Variants in SBF2 observed in about 807,000 individuals in gnomAD.
SBF2 encodes the protein myotubularin-related protein 13.
SBF2 carries 112 observed loss-of-function variants against 225.2 expected under a neutral mutation model. The observed-to-expected ratio is 0.50, with a 90% CI of 0.43 to 0.58. The LOEUF (loss-of-function observed/expected upper bound fraction) is 0.58, where lower values mean the gene tolerates loss of function less well. Ranked by LOEUF, SBF2 falls within the 20% of genes least tolerant of loss-of-function variation. The probability of loss-of-function intolerance (pLI) is 0.00; values close to 1 mark genes in which losing one functional copy is unlikely to be tolerated. For synonymous variants in SBF2, 763 were observed against 773.3 expected (o/e 0.99, Z 0.22); for missense variants, 1,996 against 2,206.2 (o/e 0.90, Z 1.91).
chr11:10,006,239 T>C (rs1296034827), intron 6 of SBF2, among the ~76,000 whole-genome samples: 5 of 152,204 alleles, frequency 3.3e-5, no homozygotes, highest in Non-Finnish European at 2.9e-5. Context: ...CCCTCAGCTC[T>C]TGCTGAATTT....
At chr11:10,162,602 T>C (rs1446753339) in intron 2 of SBF2, among the ~76,000 whole-genome samples, 1 of 152,174 alleles carries the variant, frequency 6.6e-6, no homozygotes, top group Non-Finnish European at 1.5e-5. Context: ...AAATTTTTAA[T>C]AAAACAGTCA....
At chr11:9,952,950 A>C (rs1865944317) in intron 16 of SBF2, among the ~76,000 whole-genome samples, 1 of 152,240 alleles carries the variant, frequency 6.6e-6, no homozygotes, top group Admixed American at 6.5e-5. Context: ...AAACCAGTAC[A>C]ACCACTGTGG....
At chr11:9,995,907 G>C (rs760947289) in intron 9 of SBF2, among the ~76,000 whole-genome samples, 6 of 150,010 alleles carry the variant, frequency 4.0e-5, no homozygotes, top group South Asian at 2.1e-4. Flanking sequence ...TGATCCGCCC[G>C]CCTCAGTCTT....
chr11:9,828,651 A>G, intron 28 of SBF2: 1 of 985,208 alleles, frequency 1.0e-6, no homozygotes, highest in African/African-American at 1.7e-5. Context: ...GAATATTAGT[A>G]CAAGTCTTAA....
intron 2 of SBF2, among the ~76,000 whole-genome samples, chr11:10,136,549 C>T (rs1232384536): frequency 6.6e-6 from 1 of 152,152 alleles, no homozygotes; most frequent in Non-Finnish European, 1.5e-5. Context: ...GCTTGGAGAA[C>T]AAACAAATTA....
At chr11:9,861,788 G>A (rs1590249401) in intron 17 of SBF2, among the ~76,000 whole-genome samples, 1 of 152,152 alleles carries the variant, frequency 6.6e-6, no homozygotes, top group East Asian at 1.9e-4. Flanking sequence ...GATAGGATTA[G>A]GCCACCAAGT....
chr11:9,793,499 C>T (rs989065309), intron 33 of SBF2, among the ~76,000 whole-genome samples: 13 of 152,204 alleles, frequency 8.5e-5, no homozygotes, highest in African/African-American at 2.9e-4. Flanking sequence ...AAGAAGTTCT[C>T]GTGCTTCAGC....
chr11:10,138,129 T>C (rs1202003235), intron 2 of SBF2, among the ~76,000 whole-genome samples: 1 of 152,218 alleles, frequency 6.6e-6, no homozygotes, highest in Non-Finnish European at 1.5e-5. Context: ...TGGAGATTTC[T>C]ATTTTGAGAA....
intron 19 of SBF2, among the ~76,000 whole-genome samples, chr11:9,854,735 G>A (rs142764254): frequency 1.3e-5 from 2 of 152,174 alleles, no homozygotes; most frequent in African/African-American, 2.4e-5. Flanking sequence ...TAGGACTACA[G>A]GTGTGTGCTA....
chr11:10,033,313 T>C lies in SBF2; in HGVS notation c.280-2143A>G, dbSNP rs1399801959. 3.3e-5 allele frequency among the ~76,000 whole-genome samples: 5 copies of C among 152,228 alleles called. No homozygotes were observed. The East Asian group carries it at 9.7e-4, about 29-fold the overall frequency. ...ACCATTAGAAGCCAGCTAGAGTAAG[T>C]AGATAACCATTTCAAATATATGACC... On this transcript the variant is annotated intron_variant, in intron 3 of 39. Coordinates refer to ENST00000256190, the MANE Select transcript of SBF2 (RefSeq NM_030962.4).
intron 2 of SBF2, among the ~76,000 whole-genome samples, chr11:10,044,825 T>C (rs2134688430): frequency 6.6e-6 from 1 of 152,340 alleles, no homozygotes; most frequent in Middle Eastern, 3.4e-3. Context: ...TCTACCCTAT[T>C]TGTTCAGTGT....
chr11:10,010,208 G>A (rs937642184), intron 6 of SBF2, among the ~76,000 whole-genome samples: 19 of 152,182 alleles, frequency 1.2e-4, no homozygotes, highest in African/African-American at 4.3e-4. Context: ...TCACTCTGCT[G>A]ATAGTTTCTT....
intron 1 of SBF2, among the ~76,000 whole-genome samples, chr11:10,202,895 A>G (rs1403902664): frequency 6.6e-6 from 1 of 152,242 alleles, no homozygotes; most frequent in Non-Finnish European, 1.5e-5. Flanking sequence ...TAAAAAAACA[A>G]AATCTACAAA....
intron 2 of SBF2, among the ~76,000 whole-genome samples, chr11:10,088,148 T>G (rs577245684): frequency 6.6e-6 from 1 of 152,068 alleles, no homozygotes; most frequent in East Asian, 1.9e-4. Context: ...CTCAGCCTCC[T>G]GAGTAGCTGA....
chr11:9,917,880 C>A (rs1863240400), intron 16 of SBF2, among the ~76,000 whole-genome samples: 1 of 151,472 alleles, frequency 6.6e-6, no homozygotes, highest in African/African-American at 2.4e-5. Flanking sequence ...ATTATCTGTA[C>A]CCAGGCCTCC....
intron 2 of SBF2, among the ~76,000 whole-genome samples, chr11:10,152,003 A>C (rs995733970): frequency 3.9e-5 from 6 of 152,174 alleles, no homozygotes; most frequent in Non-Finnish European, 2.9e-5. Context: ...AGCATTGTCA[A>C]AGTTAGTTCT....
chr11:9,824,782 C>T (rs1449932178), intron 28 of SBF2, among the ~76,000 whole-genome samples: 1 of 152,082 alleles, frequency 6.6e-6, no homozygotes, highest in East Asian at 1.9e-4. Flanking sequence ...CTGAAAGTTG[C>T]ACTGTCTAAA....
chr11:10,260,490 G>A (rs1268799373), intron 1 of SBF2, among the ~76,000 whole-genome samples: 1 of 151,932 alleles, frequency 6.6e-6, no homozygotes, highest in African/African-American at 2.4e-5. Flanking sequence ...GCCAAGGCGG[G>A]CAGATCACGA....
intron 2 of SBF2, among the ~76,000 whole-genome samples, chr11:10,097,918 A>G (rs1952098593): frequency 6.6e-6 from 1 of 152,028 alleles, no homozygotes; most frequent in African/African-American, 2.4e-5. Flanking sequence ...CCCCACCGAC[A>G]ACACACAGAA....
Sources: allele counts gnomAD v4.1 joint callset (sites outside exome capture counted in the v4.1 genomes callset), GRCh38; gene constraint gnomAD v4.1.1; transcripts MANE v1.5; gene names NCBI Gene and HGNC (gene_info 2026-07-23, HGNC 2026-07-21).